The following MASP1 variants were observed in gnomAD, a reference collection of about 807,000 sequenced individuals.
MASP1 encodes MBL associated serine protease 1.
A neutral mutation model predicts 77.1 loss-of-function variants in MASP1; 59 were observed. The ratio of observed to expected loss-of-function variants is 0.77; its 90% CI spans 0.62 to 0.95. MASP1 has a LOEUF of 0.95. MASP1 is among the 40% of genes least tolerant of loss of function. The pLI is 0.00. For synonymous variants in MASP1, 362 were observed against 354.5 expected (o/e 1.02, Z -0.24); for missense variants, 885 against 912.9 (o/e 0.97, Z 0.39).
chr3:187,220,984 A>G (rs1712025625), intron 15 of MASP1: 1 of 1,495,198 alleles, frequency 6.7e-7, no homozygotes, highest in African/African-American at 1.4e-5. Context: ...CTGGCTCTGC[A>G]CCACTCCCTG....
chr3:187,247,753 A>G (rs1159612761), intron 8 of MASP1, among the ~76,000 whole-genome samples: 3 of 152,170 alleles, frequency 2.0e-5, no homozygotes. Context: ...AGGCAGGGCC[A>G]GAACAATGAC....
intron 9 of MASP1, chr3:187,243,204 C>T: frequency 2.3e-6 from 1 of 435,800 alleles, no homozygotes; most frequent in South Asian, 2.2e-5. Flanking sequence ...CCTTCACGCT[C>T]CCACCAACAA....
At chr3:187,250,125 GTTAAAT>G in intron 8 of MASP1, 120 bp downstream of exon 8, 1 of 808,346 alleles carries the variant, frequency 1.2e-6, no homozygotes, top group South Asian at 1.4e-5. Context: ...TTGTGTGTCT[GTTAAAT>G]TCCTGCTCCC....
intron 7 of MASP1, among the ~76,000 whole-genome samples, chr3:187,250,868 T>G (rs1348615751): frequency 6.6e-6 from 1 of 152,194 alleles, no homozygotes; most frequent in Non-Finnish European, 1.5e-5. Context: ...TGATCTCAAG[T>G]GAGAGCTGGG....
exon 16 of MASP1, chr3:187,219,234 A>T (rs1334798869): frequency 6.6e-6 from 1 of 152,188 alleles, no homozygotes; most frequent in Non-Finnish European, 1.5e-5. Context: ...AAATGGCTTC[A>T]TTGTATCTTA....
At chr3:187,239,029 A>G (rs187779723) in intron 10 of MASP1, among the ~76,000 whole-genome samples, 94 of 152,300 alleles carry the variant, frequency 6.2e-4, no homozygotes, top group Non-Finnish European at 7.6e-4. Flanking sequence ...TTGTACAAAC[A>G]TAGAGGATGA....
At chr3:187,284,546 C>T (rs1442001635) in intron 2 of MASP1, among the ~76,000 whole-genome samples, 2 of 152,210 alleles carry the variant, frequency 1.3e-5, no homozygotes, top group Non-Finnish European at 1.5e-5. Context: ...GTAAATGGGA[C>T]ATTGCAGGCA....
At chr3:187,290,655 T>C (rs1013548058) in intron 1 of MASP1, among the ~76,000 whole-genome samples, 1 of 152,178 alleles carries the variant, frequency 6.6e-6, no homozygotes, top group African/African-American at 2.4e-5. Context: ...TGGTCTCAGG[T>C]CCAGAAAAGT....
intron 2 of MASP1, among the ~76,000 whole-genome samples, chr3:187,273,166 T>C (rs1376972431): frequency 1.3e-5 from 2 of 152,146 alleles, no homozygotes; most frequent in Non-Finnish European, 2.9e-5. Flanking sequence ...ATACTATTTC[T>C]CCATTTCACT....
intron 2 of MASP1, among the ~76,000 whole-genome samples, chr3:187,268,285 C>T (rs1716212963): frequency 6.6e-6 from 1 of 151,950 alleles, no homozygotes; most frequent in African/African-American, 2.4e-5. Flanking sequence ...AGTTCAACAC[C>T]AGCCTGGGCA....
At chr3:187,266,088 G>A (rs1715996929) in intron 2 of MASP1, among the ~76,000 whole-genome samples, 1 of 152,152 alleles carries the variant, frequency 6.6e-6, no homozygotes, top group African/African-American at 2.4e-5. Flanking sequence ...ATCAAGTGAA[G>A]ACAAAACATT....
rs1212481523 is a variant in MASP1 at position 187,253,293 on chromosome 3, A to C, written c.767T>G (p.Leu256Trp). 1.7e-5 allele frequency: 27 copies of C among 1,614,066 alleles called. No individual in the cohort carries two copies. The Admixed American group carries it at 4.0e-4, about 24-fold the overall frequency. ...YIKIKVGPKV[L>W]GPFCGEKAPE... ...GGCTTTCTCTCCACAGAAAGGCCCC[A>C]AAACTTTTGGACCAACTTTGATCTG... The change falls in exon 6 of 11, where the codon TTG (leucine) becomes TGG (tryptophan). Residue 256 changes from leucine to tryptophan, a missense_variant. Coordinates refer to ENST00000296280, the MANE Select transcript of MASP1 (RefSeq NM_139125.4).
At chr3:187,262,952 T>C in intron 2 of MASP1, 2 of 514,438 alleles carry the variant, frequency 3.9e-6, no homozygotes, top group Non-Finnish European at 6.9e-6. Flanking sequence ...TAGCTTGATA[T>C]TTGTTGTTGC....
intron 1 of MASP1, among the ~76,000 whole-genome samples, chr3:187,288,621 G>A (rs981795615): frequency 6.6e-6 from 1 of 152,178 alleles, no homozygotes; most frequent in African/African-American, 2.4e-5. Flanking sequence ...ATTCCATCCT[G>A]CCAGTTCCCA....
intron 8 of MASP1, chr3:187,246,993 T>C: frequency 8.2e-7 from 1 of 1,219,526 alleles, no homozygotes. Flanking sequence ...TGAGGCCACA[T>C]GGTTGTATAT....
At chr3:187,263,571 A>C (rs1295684493) in intron 2 of MASP1, among the ~76,000 whole-genome samples, 1 of 152,202 alleles carries the variant, frequency 6.6e-6, no homozygotes, top group Non-Finnish European at 1.5e-5. Context: ...GACACTGAAA[A>C]CTTTTAAGCA....
At chr3:187,222,778 C>T (rs1386233655) in intron 14 of MASP1, among the ~76,000 whole-genome samples, 1 of 151,848 alleles carries the variant, frequency 6.6e-6, no homozygotes, top group Non-Finnish European at 1.5e-5. Context: ...GAGCCTGGCT[C>T]ATTCTGGCCA....
Position 187,239,245 on chromosome 3 carries a change from C to T in MASP1, c.1303+2236G>A, listed in dbSNP as rs183911973. Among the ~76,000 whole-genome samples, 24 of 151,498 alleles carry T rather than the reference C, an allele frequency of 1.6e-4. No individual in the cohort carries two copies. In the East Asian group the frequency reaches 2.1e-3, roughly 13 times the overall value. ...GTGCATGCCTATAATCCCAACTACT[C>T]GAGAGGCTGAGGCAAGAGAATTGCT... is the stretch of plus-strand genomic sequence containing the variant. On this transcript the variant is annotated intron_variant, in intron 10 of 10. Coordinates refer to ENST00000296280, the MANE Select transcript of MASP1 (RefSeq NM_139125.4).
At chr3:187,262,773 C>T (rs1715709098) in intron 2 of MASP1, 53 bp from the exon 3 acceptor site, 1 of 1,546,206 alleles carries the variant, frequency 6.5e-7, no homozygotes, top group Non-Finnish European at 8.9e-7. Context: ...AGCTAGGCTT[C>T]TTTCCTTATC....
Sources: allele counts gnomAD v4.1 joint callset (sites outside exome capture counted in the v4.1 genomes callset), GRCh38; gene constraint gnomAD v4.1.1; transcripts MANE v1.5; gene names NCBI Gene and HGNC (gene_info 2026-07-23, HGNC 2026-07-21).